Variants in FAM163A observed in about 807,000 individuals in gnomAD.
FAM163A encodes the protein family with sequence similarity 163 member A.
Under a neutral mutation model 12.0 loss-of-function variants are expected in FAM163A, and 7 were observed. The ratio of observed to expected loss-of-function variants is 0.58; its 90% CI spans 0.33 to 1.10. The LOEUF is 1.10. Ranked by LOEUF, FAM163A falls within the 50% of genes least tolerant of loss-of-function variation. The probability of loss-of-function intolerance (pLI) is 0.03; values close to 1 mark genes in which losing one functional copy is unlikely to be tolerated. For synonymous variants in FAM163A, 101 were observed against 91.0 expected (o/e 1.11, Z -0.62); for missense variants, 202 against 218.6 (o/e 0.92, Z 0.48).
At position 179,748,763 on chromosome 1, in the gene FAM163A, G is replaced by C. The variant is rs114695941; in HGVS notation, c.-136+5340G>C. Reference sequence around the variant, plus strand: ...TGAACTGGGCCTTGAAGGTAAAGTAGTGATTTTGATACATAAGCTCAGGAG... The same window carrying C: ...TGAACTGGGCCTTGAAGGTAAAGTACTGATTTTGATACATAAGCTCAGGAG... On this transcript the variant is annotated intron_variant, in intron 1 of 4. Coordinates refer to ENST00000341785, the MANE Select transcript of FAM163A (RefSeq NM_173509.3). Among the ~76,000 whole-genome samples, 1,432 of 152,314 alleles carry C rather than the reference G, an allele frequency of 9.4e-3. 23 individuals carry two copies. The highest frequency in any genetic ancestry group is 0.031 in the African/African-American group (1,282 of 41,556).
intron 1 of FAM163A, among the ~76,000 whole-genome samples, chr1:179,762,183 C>T (rs1476497316): frequency 1.3e-5 from 2 of 152,196 alleles, no homozygotes; most frequent in African/African-American, 4.8e-5. Context: ...CGTATCAAGG[C>T]AGGGAGAGAT....
chr1:179,805,838 T>TG (rs1227215898), intron 1 of FAM163A, among the ~76,000 whole-genome samples: 1 of 152,238 alleles, frequency 6.6e-6, no homozygotes, highest in Non-Finnish European at 1.5e-5. Context: ...TGGGCTCTCC[T>TG]GGGGTTCCCT....
At chr1:179,781,826 C>T (rs944057921) in intron 1 of FAM163A, among the ~76,000 whole-genome samples, 7 of 150,668 alleles carry the variant, frequency 4.6e-5, no homozygotes, top group Admixed American at 4.0e-4. Context: ...CCCAGCTACT[C>T]GGGAGGCTGA....
At chr1:179,784,802 G>C (rs1389484557) in intron 1 of FAM163A, among the ~76,000 whole-genome samples, 1 of 152,178 alleles carries the variant, frequency 6.6e-6, no homozygotes, top group African/African-American at 2.4e-5. Context: ...GATGCTGGGG[G>C]TGTGGAGTAT....
At position 179,807,085 on chromosome 1, in the gene FAM163A, GA is replaced by G. The variant is rs111889898; in HGVS notation, c.-135-700del. Among the ~76,000 whole-genome samples, 841 of 138,322 alleles carry G rather than the reference GA, an allele frequency of 6.1e-3. 4 individuals carry two copies. The highest frequency in any genetic ancestry group is 0.017 in the African/African-American group (655 of 37,758). 90.7% of individuals were successfully genotyped at this position (138,322 alleles called of 152,430 possible). On this transcript the variant is annotated intron_variant, in intron 1 of 4. Transcript: ENST00000341785. ...AGTGACAGAGCAAGACTGTGTCTCA[GA>G]AAAAAAAAAAAAGAAAGGTCAACAC... is the stretch of plus-strand genomic sequence containing the variant.
At chr1:179,758,994 A>G (rs950923621) in intron 1 of FAM163A, among the ~76,000 whole-genome samples, 1 of 152,238 alleles carries the variant, frequency 6.6e-6, no homozygotes. Context: ...ATTCAGCTGC[A>G]TATTAAGCAC....
chr1:179,765,510 G>A (rs2148071218), intron 1 of FAM163A, among the ~76,000 whole-genome samples: 1 of 152,254 alleles, frequency 6.6e-6, no homozygotes, highest in Middle Eastern at 3.4e-3. Flanking sequence ...TTAGTGCTGG[G>A]GACAGGGGTG....
upstream of FAM163A, among the ~76,000 whole-genome samples, chr1:179,740,913 A>G (rs572253664): frequency 1.6e-3 from 250 of 152,232 alleles, no homozygotes; most frequent in Non-Finnish European, 3.1e-3. Context: ...GGTACTTGCA[A>G]TCTCTCTGTA....
intron 2 of FAM163A, 42 bp downstream of exon 2, chr1:179,807,930 G>A (rs971133661): frequency 6.6e-6 from 1 of 152,462 alleles, no homozygotes; most frequent in African/African-American, 2.4e-5. Context: ...CTCTGGGAGA[G>A]GGTGTCTGGG....
chr1:179,807,600 A>T (rs1261003180), intron 1 of FAM163A, among the ~76,000 whole-genome samples, 198 bp from the exon 2 acceptor site: 1 of 152,206 alleles, frequency 6.6e-6, no homozygotes, highest in Non-Finnish European at 1.5e-5. Flanking sequence ...GATAGGTGTA[A>T]CCTTACAGGT....
At chr1:179,732,536 CAAGAT>C in the FAM163A span, among the ~76,000 whole-genome samples, 1 of 152,028 alleles carries the variant, frequency 6.6e-6, no homozygotes, top group Non-Finnish European at 1.5e-5. Flanking sequence ...CATACCCTCC[CAAGAT>C]AAGAGACTGA....
At chr1:179,788,779 G>A (rs1044483600) in intron 1 of FAM163A, among the ~76,000 whole-genome samples, 2 of 152,194 alleles carry the variant, frequency 1.3e-5, no homozygotes, top group Non-Finnish European at 2.9e-5. Flanking sequence ...TCACAAAAAG[G>A]GGGCTCAAGA....
chr1:179,759,700 T>C (rs927185678), intron 1 of FAM163A, among the ~76,000 whole-genome samples: 2 of 151,896 alleles, frequency 1.3e-5, no homozygotes, highest in Non-Finnish European at 2.9e-5. Flanking sequence ...AGATTCTCAC[T>C]CTGTCACCCA....
chr1:179,744,278 G>T (rs1181582624), intron 1 of FAM163A, among the ~76,000 whole-genome samples: 5 of 152,190 alleles, frequency 3.3e-5, no homozygotes, highest in Admixed American at 1.3e-4. Context: ...GGCCCTGCGC[G>T]CTCAAGGCGC....
At chr1:179,770,876 T>G (rs887124969) in intron 1 of FAM163A, among the ~76,000 whole-genome samples, 3 of 152,152 alleles carry the variant, frequency 2.0e-5, no homozygotes, top group African/African-American at 7.2e-5. Flanking sequence ...TGACTGAATA[T>G]ATTTGATTTG....
the FAM163A span, among the ~76,000 whole-genome samples, chr1:179,734,747 C>T: frequency 6.6e-6 from 1 of 152,182 alleles, no homozygotes; most frequent in Admixed American, 6.5e-5. Context: ...GGTACATAAA[C>T]ATAAACATTC....
At chr1:179,798,124 G>A (rs762127024) in intron 1 of FAM163A, among the ~76,000 whole-genome samples, 1 of 152,114 alleles carries the variant, frequency 6.6e-6, no homozygotes, top group Non-Finnish European at 1.5e-5. Flanking sequence ...CAGCTACTCG[G>A]GTGGCTGATA....
chr1:179,740,187 G>A (rs1683466193), upstream of FAM163A, among the ~76,000 whole-genome samples: 1 of 152,010 alleles, frequency 6.6e-6, no homozygotes, highest in African/African-American at 2.4e-5. Flanking sequence ...TGTTGTTGTT[G>A]TTGTTGTTGT....
chr1:179,796,737 A>G (rs923071357), intron 1 of FAM163A, among the ~76,000 whole-genome samples: 25 of 152,270 alleles, frequency 1.6e-4, no homozygotes, highest in Admixed American at 4.6e-4. Context: ...ACAGCCCACA[A>G]GATGAGCTGG....
Sources: allele counts gnomAD v4.1 joint callset (sites outside exome capture counted in the v4.1 genomes callset), GRCh38; gene constraint gnomAD v4.1.1; transcripts MANE v1.5; gene names NCBI Gene and HGNC (gene_info 2026-07-23, HGNC 2026-07-21).